The following DNAH8 variants were observed in gnomAD, a reference collection of about 807,000 sequenced individuals.
DNAH8 encodes dynein axonemal heavy chain 8.
DNAH8 carries 382 observed loss-of-function variants against 562.1 expected under a neutral mutation model. The ratio of observed to expected loss-of-function variants is 0.68; its 90% CI spans 0.63 to 0.74. The LOEUF is 0.74. DNAH8 is among the 30% of genes least tolerant of loss of function. DNAH8 has a pLI of 0.00. For missense variants in DNAH8, 5,203 were observed against 5,620.4 expected, an observed-to-expected ratio of 0.93 and a Z score of 2.37; for synonymous variants, 1,881 against 1,919.4, an observed-to-expected ratio of 0.98 and a Z score of 0.52.
intron 91 of DNAH8, among the ~76,000 whole-genome samples, chr6:39,016,088 C>G (rs940310243): frequency 2.0e-5 from 3 of 152,180 alleles, no homozygotes; most frequent in Non-Finnish European, 4.4e-5. Context: ...AGTGTGCAAA[C>G]AGATAGAGTC....
intron 89 of DNAH8, 77 bp downstream of exon 89, chr6:39,009,047 CAAGAAATCT>C: frequency 1.9e-6 from 2 of 1,080,814 alleles, no homozygotes; most frequent in Non-Finnish European, 2.7e-6. Context: ...CCTTGAAAAG[CAAGAAATCT>C]ACCTGTTGGT....
intron 91 of DNAH8, among the ~76,000 whole-genome samples, chr6:39,024,391 C>T (rs961016314): frequency 2.0e-5 from 3 of 152,118 alleles, no homozygotes; most frequent in South Asian, 2.1e-4. Flanking sequence ...CATGGATGCA[C>T]GCTGAATGTT....
At position 38,850,393 on chromosome 6, in the gene DNAH8, T is replaced by A; in HGVS notation, c.5342T>A (p.Val1781Glu). The A allele has an allele frequency of 1.9e-6, 3 of 1,613,222 alleles. No homozygotes were observed. Among genetic ancestry groups the A allele is most frequent in the Non-Finnish European group, 2.5e-6 (3 of 1,179,520 alleles). The change falls in exon 38 of 93, where the codon GTA (valine) becomes GAA (glutamate). Residue 1781 changes from valine to glutamate, a missense_variant. Physicochemically the swap from Val to Glu is moderately radical, Grantham distance 121. Around this residue, in one of 6 missense-constraint regions of DNAH8, gnomAD observed 2,176 missense variants for 2,365.1 expected, o/e 0.92. Coordinates refer to ENST00000327475, the MANE Select transcript of DNAH8 (RefSeq NM_001206927.2). ...LLPHLHEQLE[V>E]CQKSLTGYLE... is the part of the protein sequence containing the mutation. ...CCTCATTTACATGAGCAGTTGGAAG[T>A]ATGTCAGAAGTCACTCACAGGGTAA...
At chr6:38,935,531 G>A in intron 76 of DNAH8, 61 bp from the exon 77 acceptor site, 1 of 1,165,542 alleles carries the variant, frequency 8.6e-7, no homozygotes, top group Non-Finnish European at 1.2e-6. Context: ...CTAGTGAGTT[G>A]GGTTTACTGT....
chr6:38,826,220 G>T lies in DNAH8; in HGVS notation c.3912G>T (p.Leu1304=). The change falls in exon 29 of 93, where the codon CTG becomes CTT. Residue 1304 remains leucine, a synonymous_variant. Transcript: ENST00000327475. ...GGAAGATGTTACTCTGTCGATATCT[G>T]AATGAAGAATACAAAAAGAAAATGT... ...KAWKMLLCRY[L]NEEYKKKMSY... 1 of 1,613,584 alleles carries T rather than the reference G, an allele frequency of 6.2e-7. No individual in the cohort carries two copies. The highest frequency in any genetic ancestry group is 8.5e-7 in the Non-Finnish European group (1 of 1,179,794).
Position 38,853,367 on chromosome 6 carries a change from A to G in DNAH8, c.5733+20A>G, listed in dbSNP as rs1384093748. 1.2e-6 allele frequency: 2 copies of G among 1,604,146 alleles called. No individual in the cohort carries two copies. Among genetic ancestry groups the G allele is most frequent in the Middle Eastern group, 1.7e-4 (1 of 6,036 alleles). On this transcript the variant is annotated intron_variant, in intron 41 of 92. Coordinates refer to ENST00000327475, the MANE Select transcript of DNAH8 (RefSeq NM_001206927.2). ...GCACAGGTGAGAATACACAATGCTTAAGTAATGGTGAAAAGAAATGGAAAT... is the reference window on the plus strand; with the variant it reads ...GCACAGGTGAGAATACACAATGCTTGAGTAATGGTGAAAAGAAATGGAAAT...
intron 9 of DNAH8, among the ~76,000 whole-genome samples, chr6:38,751,566 A>C (rs1171982371): frequency 6.6e-6 from 1 of 152,166 alleles, no homozygotes; most frequent in Non-Finnish European, 1.5e-5. Context: ...CACTCAGCTA[A>C]TCAGGGATGC....
chr6:38,894,628 C>G lies in DNAH8; in HGVS notation c.8584-73C>G, dbSNP rs2235720. On this transcript the variant is annotated intron_variant, in intron 58 of 92. Transcript: ENST00000327475. ...TTTATCTAAAATAGGATTTGTGAGA[C>G]AGTTGTAAAAGTAATTCTACTTTTA... 11,239 of 1,171,348 alleles carry G rather than the reference C, an allele frequency of 9.6e-3. 423 individuals carry two copies. In the East Asian group the frequency reaches 0.11, roughly 12 times the overall value. 72.6% of individuals were successfully genotyped at this position (1,171,348 alleles called of 1,614,324 possible).
chr6:38,795,560 A>G (rs1039895822), intron 21 of DNAH8, among the ~76,000 whole-genome samples: 7 of 148,932 alleles, frequency 4.7e-5, no homozygotes, highest in African/African-American at 1.5e-4. Context: ...AGCCTGGGCG[A>G]CAGAGCGAGA....
intron 44 of DNAH8, 104 bp from the exon 45 acceptor site, chr6:38,863,769 T>C: frequency 2.3e-6 from 2 of 881,138 alleles, no homozygotes; most frequent in East Asian, 2.7e-5. Context: ...CTTTACATAA[T>C]CCCGTTTCAA....
At chr6:38,729,024 G>A (rs562288705) in intron 3 of DNAH8, among the ~76,000 whole-genome samples, 2 of 152,236 alleles carry the variant, frequency 1.3e-5, no homozygotes, top group South Asian at 2.1e-4. Context: ...CCAACATGGC[G>A]AAACCCCATC....
intron 12 of DNAH8, among the ~76,000 whole-genome samples, chr6:38,775,540 T>C (rs542717253): frequency 2.0e-4 from 30 of 152,340 alleles, no homozygotes; most frequent in Middle Eastern, 3.4e-3. Context: ...TCTCTCTGGA[T>C]ATGATAGAAC....
intron 75 of DNAH8, 105 bp from the exon 76 acceptor site, chr6:38,931,706 A>G (rs1187079739): frequency 6.5e-6 from 4 of 613,788 alleles, no homozygotes; most frequent in Non-Finnish European, 1.1e-5. Flanking sequence ...TTCCCAATTT[A>G]TTGAAGCGTC....
chr6:38,882,876 GTTC>G, intron 53 of DNAH8, 31 bp from the exon 54 acceptor site: 1 of 1,447,940 alleles, frequency 6.9e-7, no homozygotes, highest in South Asian at 1.5e-5. Context: ...ACAGAATATG[GTTC>G]TATTAAGATG....
intron 13 of DNAH8, 64 bp from the exon 14 acceptor site, chr6:38,778,324 G>T: frequency 1.2e-6 from 1 of 862,016 alleles, no homozygotes; most frequent in Non-Finnish European, 1.9e-6. Flanking sequence ...AGCATTAACT[G>T]TTGTTAAACA....
rs181578315 is a variant in DNAH8 at position 38,902,525 on chromosome 6, G to A, written c.9194+2619G>A. On this transcript the variant is annotated intron_variant, in intron 62 of 92. Coordinates refer to ENST00000327475, the MANE Select transcript of DNAH8 (RefSeq NM_001206927.2). ...GAAACCACAATAAAGACTCTTGCCCGTGTTTTCCCATCACTCCTTTTGCCT... is the reference window on the plus strand; with the variant it reads ...GAAACCACAATAAAGACTCTTGCCCATGTTTTCCCATCACTCCTTTTGCCT... Among the ~76,000 whole-genome samples the A allele has an allele frequency of 3.9e-5, 6 of 152,234 alleles. No homozygotes were observed. In the East Asian group the frequency reaches 9.7e-4, roughly 25 times the overall value.
chr6:38,948,829 T>C (rs1227744210), intron 80 of DNAH8, among the ~76,000 whole-genome samples: 1 of 152,190 alleles, frequency 6.6e-6, no homozygotes, highest in Non-Finnish European at 1.5e-5. Flanking sequence ...AGACCAGCTG[T>C]TGGAGAGACT....
intron 80 of DNAH8, among the ~76,000 whole-genome samples, chr6:38,947,914 A>AT (rs1439991608): frequency 6.6e-6 from 1 of 152,006 alleles, no homozygotes; most frequent in Non-Finnish European, 1.5e-5. Flanking sequence ...CGCCCAGCTA[A>AT]TTTTTTGTAT....
chr6:38,938,729 C>G, intron 78 of DNAH8, 69 bp from the exon 79 acceptor site: 1 of 1,104,508 alleles, frequency 9.1e-7, no homozygotes, highest in Non-Finnish European at 1.3e-6. Flanking sequence ...CATGTGTACC[C>G]CTGAACTTGA....
Sources: gnomAD v4.1 joint callset for allele counts (sites outside exome capture counted in the v4.1 genomes callset) on GRCh38, gnomAD v4.1.1 for gene constraint, gnomAD v4.1.1 regional missense constraint, MANE v1.5 for transcripts, NCBI Gene and HGNC (gene_info 2026-07-23, HGNC 2026-07-21) for gene names.